MAPK6: variants seen among roughly 807,000 people sequenced by gnomAD.
The protein encoded by MAPK6 is mitogen-activated protein kinase 6.
MAPK6 carries 19 observed loss-of-function variants against 59.3 expected under a neutral mutation model. That is an observed-to-expected ratio of 0.32 (90% CI 0.22 to 0.47). The LOEUF is 0.47. Ranked by LOEUF, MAPK6 falls within the 20% of genes least tolerant of loss-of-function variation. The pLI is 1.00. For synonymous variants in MAPK6, 316 were observed against 290.3 expected, an observed-to-expected ratio of 1.09 and a Z score of -0.90; for missense variants, 724 against 847.9, an observed-to-expected ratio of 0.85 and a Z score of 1.81.
At chr15:51,993,794 TTTTC>T (rs2057216758) in intron 2 of MAPK6, among the ~76,000 whole-genome samples, 1 of 151,108 alleles carries the variant, frequency 6.6e-6, no homozygotes, top group Non-Finnish European at 1.5e-5. Flanking sequence ...TTCTTTTCTT[TTTTC>T]TTTCTTTTTT....
chr15:52,052,836 G>A (rs1476465015), intron 3 of MAPK6, among the ~76,000 whole-genome samples: 1 of 152,138 alleles, frequency 6.6e-6, no homozygotes, highest in Admixed American at 6.5e-5. Flanking sequence ...TATGAATTAT[G>A]CTGTTGTAAA....
chr15:52,031,301 CT>C (rs2141874270), intron 1 of MAPK6, among the ~76,000 whole-genome samples: 1 of 152,232 alleles, frequency 6.6e-6, no homozygotes, highest in East Asian at 1.9e-4. Context: ...GAGATATGTA[CT>C]ATACTTGTCA....
intron 2 of MAPK6, among the ~76,000 whole-genome samples, chr15:52,047,634 C>T (rs1157440886): frequency 6.6e-6 from 1 of 150,768 alleles, no homozygotes; most frequent in Non-Finnish European, 1.5e-5. Context: ...GTGTGAGCCC[C>T]CATGCCCAGC....
chr15:52,034,107 T>TCCTGAGTAGCTGGG (rs1463319702), intron 1 of MAPK6: 66 of 143,400 alleles, frequency 4.6e-4, no homozygotes, highest in African/African-American at 1.7e-3. Context: ...CGCCTCAGCC[T>TCCTGAGTAGCTGGG]CCTGAGTAGC....
At chr15:51,992,305 A>T (rs60310451) in intron 2 of MAPK6, among the ~76,000 whole-genome samples, 2,836 of 101,390 alleles carry the variant, frequency 0.028, 76 homozygotes, top group East Asian at 0.077. Flanking sequence ...ATATATATAT[A>T]TTTTTTTTTT....
chr15:52,018,390 G>C (rs1441177363), upstream of MAPK6, among the ~76,000 whole-genome samples: 1 of 152,144 alleles, frequency 6.6e-6, no homozygotes, highest in Non-Finnish European at 1.5e-5. Context: ...ATAATGACTA[G>C]AAGGGCTATT....
intron 2 of MAPK6, among the ~76,000 whole-genome samples, chr15:51,987,722 G>A (rs1001203713): frequency 6.6e-6 from 1 of 150,402 alleles, no homozygotes; most frequent in African/African-American, 2.5e-5. Flanking sequence ...TTTGACTTTG[G>A]CACTTACTCG....
intron 5 of MAPK6, among the ~76,000 whole-genome samples, chr15:52,063,309 C>T (rs1275808838): frequency 6.6e-6 from 1 of 152,228 alleles, no homozygotes; most frequent in African/African-American, 2.4e-5. Flanking sequence ...GTGATCCATC[C>T]ACCTTGGCCT....
chr15:52,001,517 T>C (rs1341502326), intron 2 of MAPK6, among the ~76,000 whole-genome samples: 1 of 149,784 alleles, frequency 6.7e-6, no homozygotes, highest in African/African-American at 2.5e-5. Context: ...TTCTTTTTTT[T>C]TTTTTTTTTC....
intron 1 of MAPK6, among the ~76,000 whole-genome samples, chr15:52,020,510 C>T (rs1228778732): frequency 6.6e-6 from 1 of 152,010 alleles, no homozygotes; most frequent in African/African-American, 2.4e-5. Flanking sequence ...AATTAACACG[C>T]CATACAATGA....
At chr15:52,063,800 C>A in intron 5 of MAPK6, 102 bp from the exon 6 acceptor site, 2 of 926,450 alleles carry the variant, frequency 2.2e-6, no homozygotes, top group Admixed American at 3.1e-5. Context: ...TATAATTATC[C>A]CCTCATAGAC....
At chr15:51,973,385 A>G (rs1289663693) in intron 1 of MAPK6, among the ~76,000 whole-genome samples, 2 of 152,000 alleles carry the variant, frequency 1.3e-5, no homozygotes, top group South Asian at 2.1e-4. Context: ...TCTGTTGCCT[A>G]GGCTGGAGCG....
chr15:51,983,097 G>C (rs1213595172), intron 1 of MAPK6, among the ~76,000 whole-genome samples: 1 of 152,116 alleles, frequency 6.6e-6, no homozygotes, highest in Non-Finnish European at 1.5e-5. Context: ...AGAATCCTGG[G>C]CCTAAAATGT....
At chr15:51,998,198 T>G (rs938141664) in intron 2 of MAPK6, among the ~76,000 whole-genome samples, 3 of 151,824 alleles carry the variant, frequency 2.0e-5, no homozygotes, top group Non-Finnish European at 4.4e-5. Context: ...CGCCTTGGAC[T>G]CCCAAGGTGC....
chr15:52,018,967 C>A (rs1251178299), upstream of MAPK6: 2 of 152,462 alleles, frequency 1.3e-5, no homozygotes, highest in East Asian at 3.9e-4. Context: ...TCACTTTGTT[C>A]CCTTAATGCC....
intron 1 of MAPK6, among the ~76,000 whole-genome samples, chr15:52,027,290 C>T (rs2141863516): frequency 7.9e-6 from 1 of 126,288 alleles, no homozygotes; most frequent in East Asian, 2.5e-4. Context: ...GCGGAGCTTG[C>T]AGTGAGCCGA....
At chr15:52,048,888 G>A (rs1021729313) in intron 2 of MAPK6, among the ~76,000 whole-genome samples, 2 of 152,004 alleles carry the variant, frequency 1.3e-5, no homozygotes, top group African/African-American at 2.4e-5. Context: ...CACTGACGAC[G>A]TCCACAGTGA....
upstream of MAPK6, among the ~76,000 whole-genome samples, chr15:52,014,703 T>TAAAAAAAA (rs796259080): frequency 2.5e-5 from 3 of 119,458 alleles, no homozygotes; most frequent in Non-Finnish European, 3.5e-5. Context: ...TGAGATTTTC[T>TAAAAAAAA]AAAAAAAAAA....
At position 52,064,538 on chromosome 15, in the gene MAPK6, G is replaced by C; in HGVS notation, c.1704G>C (p.Lys568Asn). 6.2e-7 allele frequency: 1 copy of C among 1,611,094 alleles called. No individual in the cohort carries two copies. The highest frequency in any genetic ancestry group is 8.5e-7 in the Non-Finnish European group (1 of 1,179,542). ...TAGAATTGAAAAGTTTGATATCAAA[G>C]TCAGTAAGCCAAGAAAAACAGGAAA... ...SQLELKSLIS[K>N]SVSQEKQEKG... The change falls in exon 6 of 6, where the codon AAG becomes AAC. Residue 568 changes from lysine (K) to asparagine (N), a missense_variant. Transcript: ENST00000261845.
Sources: allele counts gnomAD v4.1 joint callset (sites outside exome capture counted in the v4.1 genomes callset), GRCh38; gene constraint gnomAD v4.1.1; transcripts MANE v1.5; gene names NCBI Gene and HGNC (gene_info 2026-07-23, HGNC 2026-07-21).